SLC4A4: variants seen among roughly 807,000 people sequenced by gnomAD.
SLC4A4 encodes the protein solute carrier family 4 member 4.
A neutral mutation model predicts 111.5 loss-of-function variants in SLC4A4; 27 were observed. The observed-to-expected ratio is 0.24, with a 90% CI of 0.18 to 0.33. The LOEUF (loss-of-function observed/expected upper bound fraction) is 0.33, where lower values mean the gene tolerates loss of function less well. SLC4A4 is among the 10% of genes least tolerant of loss of function. The pLI, the probability that SLC4A4 is intolerant of heterozygous loss-of-function variation, is 1.00. For missense variants in SLC4A4, 909 were observed against 1,315.5 expected (o/e 0.69, Z 4.78); for synonymous variants, 443 against 463.4 (o/e 0.96, Z 0.57).
intron 7 of SLC4A4, among the ~76,000 whole-genome samples, chr4:71,436,563 C>T (rs1048137327): frequency 6.6e-6 from 1 of 152,062 alleles, no homozygotes; most frequent in Non-Finnish European, 1.5e-5. Context: ...ATAAAAAATA[C>T]TTTTGCACTA....
At chr4:71,169,710 A>G (rs145343306) in intron 2 of SLC4A4, among the ~76,000 whole-genome samples, 2 of 152,164 alleles carry the variant, frequency 1.3e-5, no homozygotes, top group Non-Finnish European at 2.9e-5. Context: ...AATATATTGT[A>G]TCACAGGTCT....
intron 15 of SLC4A4, among the ~76,000 whole-genome samples, chr4:71,490,632 G>C (rs1729814729): frequency 6.6e-6 from 1 of 151,792 alleles, no homozygotes; most frequent in African/African-American, 2.4e-5. Context: ...TCTTAAGAAA[G>C]TGGCTTCCTT....
chr4:71,439,516 C>T (rs967765669), intron 7 of SLC4A4, among the ~76,000 whole-genome samples: 1 of 145,718 alleles, frequency 6.9e-6, no homozygotes, highest in Non-Finnish European at 1.5e-5. Context: ...ATTTATTCGT[C>T]CATTCTTAGC....
chr4:71,563,172 CT>C (rs899598665), intron 23 of SLC4A4, among the ~76,000 whole-genome samples: 1 of 151,738 alleles, frequency 6.6e-6, no homozygotes, highest in African/African-American at 2.4e-5. Context: ...TCATAGACAC[CT>C]TTTTAAACAT....
intron 6 of SLC4A4, among the ~76,000 whole-genome samples, chr4:71,381,969 C>T (rs148761589): frequency 1.8e-4 from 27 of 152,038 alleles, no homozygotes; most frequent in African/African-American, 5.8e-4. Context: ...TCGAGGAGGT[C>T]GTTAGGTAGT....
chr4:71,214,288 G>T (rs1464031162), intron 1 of SLC4A4, among the ~76,000 whole-genome samples: 10 of 152,168 alleles, frequency 6.6e-5, no homozygotes, highest in Admixed American at 6.5e-4. Flanking sequence ...TGGCCCTGTA[G>T]GGAGGGAAGA....
At chr4:71,563,632 A>G (rs979815564) in intron 23 of SLC4A4, among the ~76,000 whole-genome samples, 161 bp from the exon 24 acceptor site, 1 of 151,868 alleles carries the variant, frequency 6.6e-6, no homozygotes, top group Non-Finnish European at 1.5e-5. Context: ...TGAGGGGGAA[A>G]GAAGGAATGC....
intron 3 of SLC4A4, among the ~76,000 whole-genome samples, chr4:71,263,816 T>C (rs1207021219): frequency 6.6e-6 from 1 of 152,172 alleles, no homozygotes; most frequent in Non-Finnish European, 1.5e-5. Context: ...TTTTTTCTTA[T>C]GGGAAATATA....
chr4:71,115,771 TTGTC>T (rs1251271229), intron 2 of SLC4A4, among the ~76,000 whole-genome samples: 6 of 152,254 alleles, frequency 3.9e-5, no homozygotes, highest in Non-Finnish European at 2.9e-5. Flanking sequence ...ATTCAGCAGG[TTGTC>T]TGTTTCTTGG....
chr4:71,217,185 T>G (rs1173927342), intron 1 of SLC4A4, among the ~76,000 whole-genome samples: 2 of 152,210 alleles, frequency 1.3e-5, no homozygotes, highest in Admixed American at 1.3e-4. Context: ...ATAATATGTT[T>G]CTACTAATGA....
intron 16 of SLC4A4, among the ~76,000 whole-genome samples, chr4:71,511,906 T>G (rs539481485): frequency 3.3e-5 from 5 of 152,266 alleles, no homozygotes; most frequent in Non-Finnish European, 5.9e-5. Flanking sequence ...CTAAACACAA[T>G]GACCTTCGGT....
chr4:71,084,119 A>C (rs1203568087), intron 1 of SLC4A4, among the ~76,000 whole-genome samples: 1 of 151,662 alleles, frequency 6.6e-6, no homozygotes, highest in African/African-American at 2.4e-5. Context: ...AGACCATCTC[A>C]CTCCTGCTTC....
chr4:71,494,432 G>T lies in SLC4A4; in HGVS notation c.1975-3069G>T, dbSNP rs1286358532. Among the ~76,000 whole-genome samples, 8 of 151,776 alleles carry T rather than the reference G, an allele frequency of 5.3e-5. No individual in the cohort carries two copies. In the East Asian group the frequency reaches 1.6e-3, roughly 30 times the overall value. On this transcript the variant is annotated intron_variant, in intron 15 of 25. Coordinates refer to ENST00000264485, the MANE Select transcript of SLC4A4 (RefSeq NM_001098484.3). ...GGGCTGAAGTAATCCTCCTGCCTCA[G>T]TCTCCAGAGTAGCTAGGACCACAGG...
intron 6 of SLC4A4, among the ~76,000 whole-genome samples, chr4:71,390,275 T>C (rs1340200738): frequency 6.6e-6 from 1 of 152,162 alleles, no homozygotes; most frequent in East Asian, 1.9e-4. Context: ...TCCCATTTTA[T>C]TCCTGTTTTT....
chr4:71,355,813 G>A (rs1266400666), intron 5 of SLC4A4, among the ~76,000 whole-genome samples: 1 of 152,222 alleles, frequency 6.6e-6, no homozygotes, highest in African/African-American at 2.4e-5. Flanking sequence ...GGGAGATGCT[G>A]TTATCCTACC....
intron 2 of SLC4A4, among the ~76,000 whole-genome samples, chr4:71,143,143 C>T (rs1744059397): frequency 6.6e-6 from 1 of 152,152 alleles, no homozygotes; most frequent in South Asian, 2.1e-4. Context: ...GTTCCCCTTC[C>T]TGTGTCCATG....
intron 2 of SLC4A4, among the ~76,000 whole-genome samples, chr4:71,143,534 A>G (rs1195604234): frequency 2.0e-5 from 3 of 152,238 alleles, no homozygotes; most frequent in Non-Finnish European, 4.4e-5. Flanking sequence ...ACCGACTTCC[A>G]CAATGGTTGA....
intron 3 of SLC4A4, among the ~76,000 whole-genome samples, chr4:71,282,938 T>A (rs867960236): frequency 7.2e-5 from 11 of 152,170 alleles, no homozygotes; most frequent in Admixed American, 2.6e-4. Flanking sequence ...CATCTGTGAC[T>A]GGTGACTGGA....
intron 2 of SLC4A4, among the ~76,000 whole-genome samples, chr4:71,162,842 T>G (rs556059765): frequency 1.3e-4 from 20 of 152,338 alleles, no homozygotes; most frequent in African/African-American, 4.8e-4. Flanking sequence ...AACATTTATT[T>G]GCTATTTCAA....
Sources: gnomAD v4.1 joint callset for allele counts (sites outside exome capture counted in the v4.1 genomes callset) on GRCh38, gnomAD v4.1.1 for gene constraint, MANE v1.5 for transcripts, NCBI Gene and HGNC (gene_info 2026-07-23, HGNC 2026-07-21) for gene names.